Variants in PTPRD observed in about 807,000 individuals in gnomAD.
The protein encoded by PTPRD is protein tyrosine phosphatase receptor type D, also known as receptor-type tyrosine-protein phosphatase delta.
In PTPRD, 34 loss-of-function variants were observed where a neutral mutation model predicts 214.5. That is an observed-to-expected ratio of 0.16 (90% CI 0.12 to 0.21). PTPRD has a LOEUF of 0.21. Among genes scored for constraint, PTPRD ranks in the 10% least tolerant of loss-of-function variants. The pLI is 1.00. For synonymous variants in PTPRD, 1,128 were observed against 845.7 expected, an observed-to-expected ratio of 1.33 and a Z score of -5.79; for missense variants, 2,545 against 2,398.7, an observed-to-expected ratio of 1.06 and a Z score of -1.27.
At chr9:10,031,767 T>A (rs2097083783) in intron 4 of PTPRD, among the ~76,000 whole-genome samples, 1 of 150,914 alleles carries the variant, frequency 6.6e-6, no homozygotes, top group Non-Finnish European at 1.5e-5. Context: ...TTTTATGGAG[T>A]TTACTAGATT....
intron 5 of PTPRD, among the ~76,000 whole-genome samples, chr9:9,796,544 G>T (rs927569855): frequency 6.6e-6 from 1 of 152,118 alleles, no homozygotes; most frequent in Admixed American, 6.5e-5. Flanking sequence ...CTCAGGGAGG[G>T]ACTTTTCAGT....
intron 4 of PTPRD, among the ~76,000 whole-genome samples, chr9:9,947,549 TATTA>T (rs1288181697): frequency 9.9e-5 from 4 of 40,316 alleles, no homozygotes; most frequent in African/African-American, 5.8e-4. Flanking sequence ...ATAATATATA[TATTA>T]TATATATATT....
At chr9:9,044,254 A>G (rs536698330) in intron 10 of PTPRD, among the ~76,000 whole-genome samples, 3 of 152,216 alleles carry the variant, frequency 2.0e-5, no homozygotes, top group Non-Finnish European at 1.5e-5. Context: ...AACACTCAAC[A>G]TGTCACCAAA....
intron 3 of PTPRD, among the ~76,000 whole-genome samples, chr9:10,240,211 A>T (rs958852327): frequency 6.6e-6 from 1 of 151,962 alleles, no homozygotes; most frequent in African/African-American, 2.4e-5. Flanking sequence ...ATATAACCTA[A>T]ATAAAAACAG....
rs2055435288 is a variant in PTPRD, at chr9:9,360,062, G to A, written c.-203+37387C>T. Among the ~76,000 whole-genome samples the A allele has an allele frequency of 2.0e-5, 3 of 151,180 alleles. No individual in the cohort carries two copies. In the South Asian group the frequency reaches 6.2e-4, roughly 31 times the overall value. On this transcript the variant is annotated intron_variant, in intron 9 of 45. Coordinates refer to ENST00000381196, the MANE Select transcript of PTPRD (RefSeq NM_002839.4). ...AAAAATCCCATGTGTTTTCATGGCA[G>A]AAGTCAGATTTCATAACAAAAATGA...
intron 5 of PTPRD, among the ~76,000 whole-genome samples, chr9:9,910,983 TA>T (rs1807363986): frequency 4.8e-5 from 4 of 83,056 alleles, no homozygotes; most frequent in Non-Finnish European, 7.0e-5. Flanking sequence ...GTTTGGTGTC[TA>T]GTTTCCAATT....
At chr9:9,641,966 G>A (rs895621907) in intron 7 of PTPRD, among the ~76,000 whole-genome samples, 8 of 151,904 alleles carry the variant, frequency 5.3e-5, no homozygotes, top group African/African-American at 1.7e-4. Context: ...ACATGCACAC[G>A]TATGTTTATT....
At position 10,165,202 on chromosome 9, in the gene PTPRD, C is replaced by T. The variant is rs1314809664; in HGVS notation, c.-544-131412G>A. On this transcript the variant is annotated intron_variant, in intron 3 of 45. Transcript: ENST00000381196. ...CAAAAGATTACCACCCTGTAACAGGCTATTATGTCTTATATTTGCTTGGAA... is the reference window on the plus strand; with the variant it reads ...CAAAAGATTACCACCCTGTAACAGGTTATTATGTCTTATATTTGCTTGGAA... 2.0e-5 allele frequency among the ~76,000 whole-genome samples: 3 copies of T among 151,654 alleles called. No homozygotes were observed. The South Asian group carries it at 6.2e-4, about 31-fold the overall frequency.
intron 7 of PTPRD, among the ~76,000 whole-genome samples, chr9:9,598,792 T>C (rs190458417): frequency 1.3e-5 from 2 of 152,178 alleles, no homozygotes; most frequent in East Asian, 3.9e-4. Context: ...CAGTGGCTTA[T>C]AAGAAAGTGA....
intron 11 of PTPRD, among the ~76,000 whole-genome samples, chr9:8,787,713 G>A (rs887943388): frequency 1.8e-4 from 28 of 152,050 alleles, no homozygotes; most frequent in Non-Finnish European, 4.4e-5. Context: ...GACAGGACAG[G>A]AAGACAGGAG....
chr9:10,365,040 T>C (rs2097488437), intron 2 of PTPRD, among the ~76,000 whole-genome samples: 1 of 152,202 alleles, frequency 6.6e-6, no homozygotes, highest in Admixed American at 6.5e-5. Context: ...TCTCTCTTTT[T>C]TTCTTTATTA....
chr9:9,371,578 G>C, intron 9 of PTPRD, among the ~76,000 whole-genome samples: 2 of 152,142 alleles, frequency 1.3e-5, no homozygotes, highest in South Asian at 2.1e-4. Flanking sequence ...TGGATTCATT[G>C]ATTTTTTGAA....
intron 11 of PTPRD, among the ~76,000 whole-genome samples, chr9:8,998,439 G>C (rs2099405305): frequency 6.6e-6 from 1 of 151,946 alleles, no homozygotes; most frequent in African/African-American, 2.4e-5. Flanking sequence ...CATCTGTTTA[G>C]CAGCATGACT....
At chr9:9,019,424 G>A (rs779731871) in intron 10 of PTPRD, among the ~76,000 whole-genome samples, 1 of 152,184 alleles carries the variant, frequency 6.6e-6, no homozygotes, top group South Asian at 2.1e-4. Context: ...TCGAAGTTTG[G>A]CTGGGTGCAG....
At chr9:8,386,718 C>T (rs1254769410) in intron 37 of PTPRD, among the ~76,000 whole-genome samples, 1 of 152,166 alleles carries the variant, frequency 6.6e-6, no homozygotes, top group African/African-American at 2.4e-5. Context: ...AACAACTCAC[C>T]CCTAGTTATA....
intron 11 of PTPRD, among the ~76,000 whole-genome samples, chr9:8,764,480 G>C (rs549583329): frequency 6.6e-6 from 1 of 152,132 alleles, no homozygotes; most frequent in South Asian, 2.1e-4. Flanking sequence ...TAAAAATACG[G>C]ACCATTATGG....
intron 8 of PTPRD, among the ~76,000 whole-genome samples, chr9:9,516,130 T>C (rs2096831982): frequency 6.6e-6 from 1 of 152,160 alleles, no homozygotes; most frequent in African/African-American, 2.4e-5. Context: ...TAAAATTGAT[T>C]TTTCCTCTCT....
chr9:9,444,050 G>A (rs926903769), intron 8 of PTPRD, among the ~76,000 whole-genome samples: 1 of 152,052 alleles, frequency 6.6e-6, no homozygotes, highest in African/African-American at 2.4e-5. Flanking sequence ...AAACAGGATT[G>A]GACTATTTCT....
chr9:10,042,304 T>TGCGGAGATAGAAGAC (rs1281333119), intron 3 of PTPRD, among the ~76,000 whole-genome samples: 1 of 151,932 alleles, frequency 6.6e-6, no homozygotes, highest in African/African-American at 2.4e-5. Context: ...AAAAGAGGCA[T>TGCGGAGATAGAAGAC]GCGGAGATAG....
Sources: allele counts gnomAD v4.1 joint callset (sites outside exome capture counted in the v4.1 genomes callset), GRCh38; gene constraint gnomAD v4.1.1; transcripts MANE v1.5; gene names NCBI Gene and HGNC (gene_info 2026-07-23, HGNC 2026-07-21).